The following NTM variants were observed in gnomAD, a reference collection of about 807,000 sequenced individuals.
NTM encodes IgLON family member 2.
NTM carries 13 observed loss-of-function variants against 42.1 expected under a neutral mutation model. The observed-to-expected ratio is 0.31, with a 90% CI of 0.20 to 0.49. The LOEUF is 0.49. Ranked by LOEUF, NTM falls within the 20% of genes least tolerant of loss-of-function variation. NTM has a pLI of 0.99. For synonymous variants in NTM, 187 were observed against 179.2 expected (o/e 1.04, Z -0.35); for missense variants, 373 against 452.8 (o/e 0.82, Z 1.60).
At chr11:132,058,015 C>T (rs2079981192) in intron 2 of NTM, among the ~76,000 whole-genome samples, 1 of 152,088 alleles carries the variant, frequency 6.6e-6, no homozygotes, top group Non-Finnish European at 1.5e-5. Context: ...ATTTTTTTAT[C>T]TCTCTGTGGA....
chr11:132,177,272 G>A (rs2076964641), intron 3 of NTM, among the ~76,000 whole-genome samples: 1 of 152,196 alleles, frequency 6.6e-6, no homozygotes, highest in African/African-American at 2.4e-5. Context: ...ACCAAATCCT[G>A]TGGGAGACTA....
intron 1 of NTM, among the ~76,000 whole-genome samples, chr11:131,586,469 G>A (rs1290495609): frequency 6.6e-6 from 1 of 152,158 alleles, no homozygotes; most frequent in Non-Finnish European, 1.5e-5. Context: ...ATGTTGTGAG[G>A]AAGCCCTGTG....
chr11:131,669,346 G>A lies in NTM; in HGVS notation c.83-242218G>A, dbSNP rs186354862. 1.7e-3 allele frequency among the ~76,000 whole-genome samples: 264 copies of A among 152,304 alleles called. 1 individual carries two copies. The highest frequency in any genetic ancestry group is 6.2e-3 in the African/African-American group (258 of 41,562). The stretch of plus-strand genomic sequence containing the variant: ...GGCTCGCCATGATTGGAAAAGTCCC[G>A]TAGCCTGGTTTCCTGCTCTGAGAAC... On this transcript the variant is annotated intron_variant, in intron 1 of 8. Coordinates refer to ENST00000683400, the MANE Select transcript of NTM (RefSeq NM_001352005.2).
intron 4 of NTM, among the ~76,000 whole-genome samples, chr11:132,305,933 T>C (rs1458102973): frequency 6.6e-6 from 1 of 152,214 alleles, no homozygotes; most frequent in Non-Finnish European, 1.5e-5. Flanking sequence ...GAATTTAGTA[T>C]CTCTTTCTTG....
chr11:132,016,479 TC>T (rs1212452041), intron 2 of NTM, among the ~76,000 whole-genome samples: 1 of 152,058 alleles, frequency 6.6e-6, no homozygotes, highest in Admixed American at 6.6e-5. Flanking sequence ...TTTTTCATTT[TC>T]CTTCTTATTG....
chr11:132,275,570 G>A (rs930348500), intron 4 of NTM, among the ~76,000 whole-genome samples: 1 of 150,648 alleles, frequency 6.6e-6, no homozygotes, highest in Non-Finnish European at 1.5e-5. Context: ...ATATTGCAGA[G>A]CAAGTTAGTC....
intron 1 of NTM, among the ~76,000 whole-genome samples, chr11:131,819,943 T>C (rs2093113068): frequency 6.6e-6 from 1 of 152,234 alleles, no homozygotes; most frequent in Non-Finnish European, 1.5e-5. Context: ...GATTTCGGTC[T>C]GTTCCCTGAC....
chr11:131,681,147 C>A lies in NTM; in HGVS notation c.83-230417C>A, dbSNP rs1391752634. Among the ~76,000 whole-genome samples, 9 of 51,498 alleles carry A rather than the reference C, an allele frequency of 1.7e-4. 3 individuals are homozygous for A. In the Admixed American group the frequency reaches 2.5e-3, roughly 14 times the overall value. 33.8% of individuals were successfully genotyped at this position (51,498 alleles called of 152,430 possible). A position where few individuals can be genotyped will look rare whatever the true frequency, so the allele number is the denominator to read the frequency against. On this transcript the variant is annotated intron_variant, in intron 1 of 8. Transcript: ENST00000683400. ...TGTGTTTCTGTGTATGTATGTTTCC[C>A]TGTGTGTGTGAGCATGTGTGTTTCT...
chr11:132,205,531 T>C (rs1397449247), intron 3 of NTM, among the ~76,000 whole-genome samples: 1 of 152,214 alleles, frequency 6.6e-6, no homozygotes, highest in Non-Finnish European at 1.5e-5. Context: ...CATGGAACTG[T>C]ATCCAAACAG....
intron 2 of NTM, among the ~76,000 whole-genome samples, chr11:131,930,378 C>G (rs150322555): frequency 6.6e-6 from 1 of 152,208 alleles, no homozygotes; most frequent in Non-Finnish European, 1.5e-5. Context: ...TGGCCCCTCA[C>G]ACTGGGCCCA....
intron 3 of NTM, among the ~76,000 whole-genome samples, chr11:132,150,448 G>T (rs1337860985): frequency 6.6e-6 from 1 of 152,174 alleles, no homozygotes; most frequent in African/African-American, 2.4e-5. Context: ...TTATTGGATA[G>T]TGCTATAAGG....
At position 131,783,621 on chromosome 11, in the gene NTM, G is replaced by C. The variant is rs545598465; in HGVS notation, c.83-127943G>C. ...GAATAAACATCCATTCTTACCTCAT[G>C]TCATACACAAAAACTCAACTCAAAA... On this transcript the variant is annotated intron_variant, in intron 1 of 8. Transcript: ENST00000683400. 5.3e-5 allele frequency among the ~76,000 whole-genome samples: 8 copies of C among 151,748 alleles called. No individual in the cohort carries two copies. In the South Asian group the frequency reaches 6.2e-4, roughly 12 times the overall value.
At chr11:132,100,301 TA>T (rs1422272639) in intron 2 of NTM, among the ~76,000 whole-genome samples, 1 of 152,214 alleles carries the variant, frequency 6.6e-6, no homozygotes, top group Non-Finnish European at 1.5e-5. Flanking sequence ...GCATCATTGA[TA>T]AAGTATGCAC....
chr11:132,222,991 G>A (rs906182557), intron 4 of NTM, among the ~76,000 whole-genome samples: 1 of 152,172 alleles, frequency 6.6e-6, no homozygotes, highest in Non-Finnish European at 1.5e-5. Context: ...CCAGTTATCT[G>A]CAAGATAGAA....
Position 131,986,770 on chromosome 11 carries a change from A to T in NTM, c.167+75122A>T, listed in dbSNP as rs114026879. ...AGTTTTCATTTAGGGCTCTATTGCC[A>T]CTGCCTAGAAGAGTGCCTGACTATA... On this transcript the variant is annotated intron_variant, in intron 2 of 8. Coordinates refer to ENST00000683400, the MANE Select transcript of NTM (RefSeq NM_001352005.2). 1.9e-3 allele frequency among the ~76,000 whole-genome samples: 288 copies of T among 152,330 alleles called. 1 individual carries two copies. The highest frequency in any genetic ancestry group is 6.6e-3 in the African/African-American group (276 of 41,578).
chr11:131,875,675 C>T (rs2048431748), intron 1 of NTM, among the ~76,000 whole-genome samples: 1 of 152,206 alleles, frequency 6.6e-6, no homozygotes, highest in Admixed American at 6.5e-5. Flanking sequence ...CACAGCCTTG[C>T]ACAATGAATC....
At chr11:132,294,049 T>C (rs1267752509) in intron 4 of NTM, among the ~76,000 whole-genome samples, 1 of 152,178 alleles carries the variant, frequency 6.6e-6, no homozygotes, top group Non-Finnish European at 1.5e-5. Flanking sequence ...TACAGTGGTG[T>C]GCAGGCTAGC....
At chr11:132,229,355 C>G (rs2086974252) in intron 4 of NTM, among the ~76,000 whole-genome samples, 1 of 152,178 alleles carries the variant, frequency 6.6e-6, no homozygotes, top group Non-Finnish European at 1.5e-5. Context: ...ACCAGGCAAC[C>G]TGGTTCCAGA....
chr11:131,992,449 A>G (rs2067197675), intron 2 of NTM, among the ~76,000 whole-genome samples: 1 of 151,668 alleles, frequency 6.6e-6, no homozygotes, highest in South Asian at 2.1e-4. Context: ...TCACCCCCAC[A>G]TTGTTCGAAG....
Sources: allele counts gnomAD v4.1 joint callset (sites outside exome capture counted in the v4.1 genomes callset), GRCh38; gene constraint gnomAD v4.1.1; transcripts MANE v1.5; gene names NCBI Gene and HGNC (gene_info 2026-07-23, HGNC 2026-07-21).